DMC1: variants seen among roughly 807,000 people sequenced by gnomAD.
The protein encoded by DMC1 is DNA meiotic recombinase 1.
In DMC1, 27 loss-of-function variants were observed where a neutral mutation model predicts 50.1. That is an observed-to-expected ratio of 0.54 (90% CI 0.40 to 0.74). The LOEUF (loss-of-function observed/expected upper bound fraction) is 0.74. DMC1 is among the 30% of genes least tolerant of loss of function. The probability of loss-of-function intolerance (pLI) is 0.00; values close to 1 mark genes in which losing one functional copy is unlikely to be tolerated. For synonymous variants in DMC1, 148 were observed against 136.1 expected (o/e 1.09, Z -0.61); for missense variants, 295 against 420.2 (o/e 0.70, Z 2.60).
At chr22:38,560,799 G>A (rs1028183700) in intron 5 of DMC1, among the ~76,000 whole-genome samples, 4 of 151,784 alleles carry the variant, frequency 2.6e-5, no homozygotes, top group East Asian at 3.9e-4. Flanking sequence ...TTCAACAATC[G>A]TCAACTATGA....
At chr22:38,569,899 T>G (rs2146055193) in intron 1 of DMC1, 144 bp downstream of exon 1, 1 of 152,320 alleles carries the variant, frequency 6.6e-6, no homozygotes, top group East Asian at 1.9e-4. Flanking sequence ...TCAAGATCAC[T>G]AAAATTCCTC....
At chr22:38,559,478 G>A (rs2090503221) in intron 5 of DMC1, among the ~76,000 whole-genome samples, 1 of 152,138 alleles carries the variant, frequency 6.6e-6, no homozygotes, top group Non-Finnish European at 1.5e-5. Flanking sequence ...CAAAACAGGT[G>A]TTTTGTGTCA....
In DMC1 at chr22:38,538,615, G is replaced by A; in HGVS notation, c.587-3C>T. The A allele has an allele frequency of 6.2e-7, 1 of 1,612,858 alleles. No homozygotes were observed. The highest frequency in any genetic ancestry group is 8.5e-7 in the Non-Finnish European group (1 of 1,178,942). ...AAGTAGCTCCATCTGATGTTCACCT[G>A]ATGGGAAATGCAGTGAGAAAATGTT... On this transcript the variant is annotated splice_region_variant and splice_polypyrimidine_tract_variant and intron_variant, in intron 9 of 13. Coordinates refer to ENST00000216024, the MANE Select transcript of DMC1 (RefSeq NM_007068.4).
At chr22:38,552,941 G>A (rs2090428592) in intron 6 of DMC1, among the ~76,000 whole-genome samples, 1 of 151,332 alleles carries the variant, frequency 6.6e-6, no homozygotes, top group African/African-American at 2.4e-5. Context: ...TTCACCTCCC[G>A]GGTTCAAGCG....
the DMC1 span, among the ~76,000 whole-genome samples, chr22:38,509,231 G>A: frequency 6.6e-6 from 1 of 152,120 alleles, no homozygotes; most frequent in South Asian, 2.1e-4. Context: ...GAAAACGTGT[G>A]TCATGGTGGT....
chr22:38,552,143 G>C (rs2090420185), intron 7 of DMC1, among the ~76,000 whole-genome samples: 1 of 152,144 alleles, frequency 6.6e-6, no homozygotes, highest in Non-Finnish European at 1.5e-5. Flanking sequence ...TTACAGGCGT[G>C]AGCCACCGGG....
At chr22:38,561,150 G>A (rs1004930095) in intron 5 of DMC1, among the ~76,000 whole-genome samples, 1 of 151,550 alleles carries the variant, frequency 6.6e-6, no homozygotes, top group South Asian at 2.1e-4. Flanking sequence ...TAGAACTACA[G>A]GTGTGCACCA....
chr22:38,520,210 C>T (rs2090009462), intron 13 of DMC1, 121 bp from the exon 14 acceptor site: 2 of 836,904 alleles, frequency 2.4e-6, no homozygotes, highest in Non-Finnish European at 4.0e-6. Flanking sequence ...AGAGTTGGTA[C>T]AACCAAATGT....
intron 5 of DMC1, among the ~76,000 whole-genome samples, 153 bp from the exon 6 acceptor site, chr22:38,555,562 C>A (rs2090461167): frequency 6.6e-6 from 1 of 152,070 alleles, no homozygotes; most frequent in Non-Finnish European, 1.5e-5. Flanking sequence ...AACAGCAATT[C>A]TTGGCTGAAC....
intron 12 of DMC1, 147 bp from the exon 13 acceptor site, chr22:38,521,871 G>T: frequency 1.4e-6 from 1 of 705,068 alleles, no homozygotes. Context: ...CATAAACTAA[G>T]GAGTGAGGTG....
At chr22:38,539,469 C>A in intron 8 of DMC1, 57 bp from the exon 9 acceptor site, 1 of 1,325,310 alleles carries the variant, frequency 7.5e-7, no homozygotes, top group Admixed American at 1.7e-5. Flanking sequence ...GTTTAGACAA[C>A]CACTACAAAA....
chr22:38,558,441 G>T (rs534212544), intron 5 of DMC1, among the ~76,000 whole-genome samples: 24 of 151,044 alleles, frequency 1.6e-4, no homozygotes, highest in African/African-American at 5.6e-4. Context: ...CTGGCTGGGC[G>T]CAGTGGCTCA....
intron 5 of DMC1, among the ~76,000 whole-genome samples, chr22:38,556,633 G>T (rs1490445493): frequency 6.6e-6 from 1 of 152,092 alleles, no homozygotes; most frequent in Non-Finnish European, 1.5e-5. Context: ...ATAAGAAAAG[G>T]CCTAAATTTA....
rs143216597 is a variant in DMC1, at chr22:38,567,616, A to G, written c.63T>C (p.Phe21=). 1.1e-4 allele frequency: 176 copies of G among 1,608,724 alleles called. No individual in the cohort carries two copies. In the African/African-American group the frequency reaches 2.1e-3, roughly 19 times the overall value. The change falls in exon 3 of 14, where the codon TTT becomes TTC. Residue 21 remains phenylalanine, a synonymous_variant. Coordinates refer to ENST00000216024, the MANE Select transcript of DMC1 (RefSeq NM_007068.4). ...PGFQDEEESL[F]QDIDLLQKHG... ...GTTTCTGTAACAGGTCAATATCTTG[A>G]AACAAAGATTCCTAAAGGAGATGAA...
At chr22:38,518,172 G>A (rs1174033449), downstream of DMC1, among the ~76,000 whole-genome samples, 1 of 151,972 alleles carries the variant, frequency 6.6e-6, no homozygotes, top group African/African-American at 2.4e-5. Flanking sequence ...GGGTTTCACT[G>A]TGTTGGCCAG....
chr22:38,526,278 C>T (rs904844157), intron 12 of DMC1, among the ~76,000 whole-genome samples: 3 of 151,910 alleles, frequency 2.0e-5, no homozygotes, highest in African/African-American at 4.8e-5. Context: ...GATCGCGGCT[C>T]ATTGCAATCT....
At chr22:38,511,235 A>G in the DMC1 span, among the ~76,000 whole-genome samples, 2 of 152,210 alleles carry the variant, frequency 1.3e-5, no homozygotes, top group Non-Finnish European at 2.9e-5. Context: ...TTTGTTGTAA[A>G]GAATGCTAAT....
rs143598013 is a variant in DMC1 at position 38,561,558 on chromosome 22, C to A, written c.326+729G>T. ...AGAGATAGATCTAAGATGAGGGAGA[C>A]TTTGGGAGAAGCAGATTTGGGGCAA... On this transcript the variant is annotated intron_variant, in intron 5 of 13. Coordinates refer to ENST00000216024, the MANE Select transcript of DMC1 (RefSeq NM_007068.4). Among the ~76,000 whole-genome samples the A allele has an allele frequency of 8.8e-4, 134 of 152,176 alleles. 3 individuals are homozygous for A. The East Asian group carries it at 0.024, about 28-fold the overall frequency.
At chr22:38,567,255 T>C (rs2090589413) in intron 3 of DMC1, among the ~76,000 whole-genome samples, 1 of 152,234 alleles carries the variant, frequency 6.6e-6, no homozygotes, top group Admixed American at 6.5e-5. Flanking sequence ...ACAGTTTTAC[T>C]ATCAACTGAT....
Sources: gnomAD v4.1 joint callset for allele counts (sites outside exome capture counted in the v4.1 genomes callset) on GRCh38, gnomAD v4.1.1 for gene constraint, MANE v1.5 for transcripts, NCBI Gene and HGNC (gene_info 2026-07-23, HGNC 2026-07-21) for gene names.